Variants in SCN11A observed in about 807,000 individuals in gnomAD.
SCN11A encodes sodium channel protein type 11 subunit alpha.
In SCN11A, 122 loss-of-function variants were observed where a neutral mutation model predicts 162.2. The observed-to-expected ratio is 0.75, with a 90% CI of 0.65 to 0.87. The LOEUF (loss-of-function observed/expected upper bound fraction) is 0.87, where lower values mean the gene tolerates loss of function less well. Among genes scored for constraint, SCN11A ranks in the 40% least tolerant of loss-of-function variants. The probability of loss-of-function intolerance (pLI) is 0.00; values close to 1 mark genes in which losing one functional copy is unlikely to be tolerated. For synonymous variants in SCN11A, 758 were observed against 751.5 expected (o/e 1.01, Z -0.14); for missense variants, 2,015 against 2,181.6 (o/e 0.92, Z 1.52).
chr3:38,988,569 C>T (rs975787360), intron 2 of SCN11A, among the ~76,000 whole-genome samples: 3 of 151,850 alleles, frequency 2.0e-5, no homozygotes, highest in Admixed American at 6.6e-5. Flanking sequence ...TGAAAGCCAT[C>T]GCCTCATTTA....
Position 38,946,811 on chromosome 3 carries a change from C to T in SCN11A, c.364G>A (p.Ala122Thr), listed in dbSNP as rs1559549759. ...FGPFNSIRSL[A>T]IRVSVHSLFS... ...TATGAATGGACTGAGACTCTAATGG[C>T]TAAACTTCTGATTGAATTGAAAGGC... The change falls in exon 6 of 30, where the codon GCC becomes ACC. Residue 122 changes from alanine to threonine, a missense_variant. Coordinates refer to ENST00000302328, the MANE Select transcript of SCN11A (RefSeq NM_001349253.2). The T allele has an allele frequency of 9.3e-6, 15 of 1,612,114 alleles. No homozygotes were observed. Among genetic ancestry groups the T allele is most frequent in the Non-Finnish European group, 1.1e-5 (13 of 1,178,404 alleles).
At chr3:39,026,372 C>T (rs1010811979) in intron 2 of SCN11A, among the ~76,000 whole-genome samples, 1 of 152,200 alleles carries the variant, frequency 6.6e-6, no homozygotes, top group Admixed American at 6.5e-5. Flanking sequence ...TTCTAAACAA[C>T]TCATTTGCTC....
intron 3 of SCN11A, among the ~76,000 whole-genome samples, chr3:38,956,828 G>C (rs773085127): frequency 6.6e-6 from 1 of 152,122 alleles, no homozygotes; most frequent in Non-Finnish European, 1.5e-5. Context: ...GAAGATTAAA[G>C]ATACCAATTT....
chr3:39,051,482 A>C (rs887005508), intron 1 of SCN11A, among the ~76,000 whole-genome samples: 5 of 152,012 alleles, frequency 3.3e-5, no homozygotes, highest in African/African-American at 1.2e-4. Flanking sequence ...CCCACTTTTT[A>C]TCCTTTTAAT....
chr3:38,879,744 A>G (rs1196476618), intron 23 of SCN11A, among the ~76,000 whole-genome samples: 1 of 152,222 alleles, frequency 6.6e-6, no homozygotes, highest in African/African-American at 2.4e-5. Context: ...TATAAAGTGT[A>G]GTGTATGATG....
At chr3:38,849,936 G>C (rs2126078895) in intron 29 of SCN11A, 1 of 152,644 alleles carries the variant, frequency 6.6e-6, no homozygotes. Flanking sequence ...TAGAAAAAAA[G>C]CTTTGATTGT....
chr3:39,014,544 T>C (rs971235634), intron 2 of SCN11A, among the ~76,000 whole-genome samples: 9 of 152,222 alleles, frequency 5.9e-5, no homozygotes, highest in Non-Finnish European at 1.0e-4. Context: ...CTCAATTATG[T>C]CTGCCATAAT....
intron 4 of SCN11A, among the ~76,000 whole-genome samples, chr3:38,951,633 GGA>G (rs1017809038): frequency 6.6e-5 from 10 of 152,382 alleles, no homozygotes; most frequent in Non-Finnish European, 1.5e-4. Context: ...GTGGGGACGT[GGA>G]GAGTCTTTAT....
Position 38,897,161 on chromosome 3 carries a change from T to C in SCN11A, c.2087A>G (p.Asn696Ser). The change falls in exon 18 of 30, where the codon AAC becomes AGC. Residue 696 changes from asparagine to serine, a missense_variant. Asn to Ser is a conservative substitution (Grantham distance 46). Transcript: ENST00000302328. ...TLNTLIKIIG[N>S]SVGALGSLTV... is the part of the protein sequence containing the mutation. ...CAGGCTTCCAAGGGCTCCGACAGAG[T>C]TGCCGATTATCTTAATTAGTGTGTT... 6.2e-7 allele frequency: 1 copy of C among 1,613,744 alleles called. No individual in the cohort carries two copies. Among genetic ancestry groups the C allele is most frequent in the Non-Finnish European group, 8.5e-7 (1 of 1,179,912 alleles).
In SCN11A at chr3:38,857,653, G is replaced by A. The variant is rs141767265; in HGVS notation, c.4056+5542C>T. Reference sequence around the variant, plus strand: ...AATAAGAAGCTCGAAGAACTTCTGGGAAGTTCATCACAAAAAGATTATCAC... The same window carrying A: ...AATAAGAAGCTCGAAGAACTTCTGGAAAGTTCATCACAAAAAGATTATCAC... On this transcript the variant is annotated intron_variant, in intron 28 of 29. Transcript: ENST00000302328. Among the ~76,000 whole-genome samples, 1,250 of 152,158 alleles carry A rather than the reference G, an allele frequency of 8.2e-3. 8 individuals carry two copies. The highest frequency in any genetic ancestry group is 0.014 in the Middle Eastern group (4 of 294).
At chr3:38,974,093 G>A (rs1238883995) in intron 2 of SCN11A, among the ~76,000 whole-genome samples, 1 of 152,126 alleles carries the variant, frequency 6.6e-6, no homozygotes, top group Admixed American at 6.6e-5. Context: ...CAAAGGCTTA[G>A]GAACTGGAAT....
At chr3:38,934,928 T>G (rs1380108095) in intron 7 of SCN11A, among the ~76,000 whole-genome samples, 10 of 151,044 alleles carry the variant, frequency 6.6e-5, no homozygotes, top group Non-Finnish European at 4.4e-5. Context: ...AATATACATT[T>G]TTTTCAGCAC....
intron 2 of SCN11A, among the ~76,000 whole-genome samples, chr3:38,998,660 A>T (rs933845063): frequency 2.0e-5 from 3 of 152,216 alleles, no homozygotes; most frequent in African/African-American, 7.2e-5. Context: ...ACCAACCCAA[A>T]TGTCCAACAA....
chr3:39,014,505 C>A (rs1033091147), intron 2 of SCN11A, among the ~76,000 whole-genome samples: 8 of 152,156 alleles, frequency 5.3e-5, no homozygotes, highest in Admixed American at 5.2e-4. Flanking sequence ...TCCTATAAGA[C>A]AATATCCCAA....
At chr3:38,946,731 G>T in intron 6 of SCN11A, 58 bp downstream of exon 6, 1 of 1,094,444 alleles carries the variant, frequency 9.1e-7, no homozygotes, top group Non-Finnish European at 1.4e-6. Context: ...TGAACACCGT[G>T]GGGCACGTGC....
In SCN11A at chr3:39,029,514, A is replaced by G. The variant is rs938722346; in HGVS notation, c.-280+2866T>C. Among the ~76,000 whole-genome samples, 4 of 152,242 alleles carry G rather than the reference A, an allele frequency of 2.6e-5. No homozygotes were observed. In the South Asian group the frequency reaches 8.3e-4, roughly 31 times the overall value. ...ATGTGTGTTCCAAACAGATTTTCCCATAGTGGGAAAGGACATAGTGGGCAG... is the reference window on the plus strand; with the variant it reads ...ATGTGTGTTCCAAACAGATTTTCCCGTAGTGGGAAAGGACATAGTGGGCAG... On this transcript the variant is annotated intron_variant, in intron 2 of 29. Coordinates refer to ENST00000302328, the MANE Select transcript of SCN11A (RefSeq NM_001349253.2).
chr3:38,903,905 A>C lies in SCN11A; in HGVS notation c.1802T>G (p.Met601Arg), dbSNP rs778538512. Reference sequence around the variant, plus strand: ...CAACATCTTCTCAAAACTGGCCTCCATCTTGTGATGCTCCATGGCCAAGAA... The same window carrying C: ...CAACATCTTCTCAAAACTGGCCTCCCTCTTGTGATGCTCCATGGCCAAGAA... ...TVFLAMEHHK[M>R]EASFEKMLNI... Residue 601 changes from methionine to arginine, a missense_variant, in exon 16 of 30, where the codon ATG becomes AGG. By Grantham distance (91) the Met-to-Arg change is moderately conservative. Coordinates refer to ENST00000302328, the MANE Select transcript of SCN11A (RefSeq NM_001349253.2). The C allele has an allele frequency of 6.2e-7, 1 of 1,613,314 alleles. No homozygotes were observed. The highest frequency in any genetic ancestry group is 1.7e-5 in the Admixed American group (1 of 59,792).
chr3:38,955,233 G>A (rs894825834), intron 3 of SCN11A, among the ~76,000 whole-genome samples: 5 of 152,202 alleles, frequency 3.3e-5, no homozygotes, highest in African/African-American at 1.2e-4. Context: ...GTTGCAGTGA[G>A]CTGAGATCAC....
chr3:38,967,404 G>A (rs537182235), intron 2 of SCN11A, among the ~76,000 whole-genome samples: 15 of 152,296 alleles, frequency 9.8e-5, no homozygotes, highest in South Asian at 2.1e-4. Flanking sequence ...TGAGCCCTAC[G>A]GAGATTCCAC....
Sources: gnomAD v4.1 joint callset for allele counts (sites outside exome capture counted in the v4.1 genomes callset) on GRCh38, gnomAD v4.1.1 for gene constraint, MANE v1.5 for transcripts, NCBI Gene and HGNC (gene_info 2026-07-23, HGNC 2026-07-21) for gene names.